The following RCAN2 variants were observed in gnomAD, a reference collection of about 807,000 sequenced individuals.
RCAN2 encodes calcipressin-2.
A neutral mutation model predicts 23.6 loss-of-function variants in RCAN2; 9 were observed. That is an observed-to-expected ratio of 0.38 (90% CI 0.23 to 0.67). The LOEUF (loss-of-function observed/expected upper bound fraction) is 0.67. Among genes scored for constraint, RCAN2 ranks in the 30% least tolerant of loss-of-function variants. RCAN2 has a pLI of 0.51. For synonymous variants in RCAN2, 109 were observed against 115.7 expected, an observed-to-expected ratio of 0.94 and a Z score of 0.37; for missense variants, 273 against 302.3, an observed-to-expected ratio of 0.90 and a Z score of 0.72.
intron 2 of RCAN2, among the ~76,000 whole-genome samples, chr6:46,454,090 T>C (rs1424004167): frequency 2.0e-5 from 3 of 152,108 alleles, no homozygotes; most frequent in Non-Finnish European, 2.9e-5. Context: ...TTGCTTCTTT[T>C]CCCCCTGCCT....
chr6:46,301,644 A>G (rs77539790), intron 2 of RCAN2, among the ~76,000 whole-genome samples: 3,830 of 152,228 alleles, frequency 0.025, 86 homozygotes, highest in Non-Finnish European at 0.035. Flanking sequence ...ATTTTATGCA[A>G]TGGTGAACAT....
At position 46,456,849 on chromosome 6, in the gene RCAN2, T is replaced by C; in HGVS notation, c.128A>G (p.Glu43Gly). ...RDWAVTRCFA[E>G]EAFQAITDFN... The stretch of plus-strand genomic sequence containing the variant: ...GTCAGTGATTGCTTGAAAGGCTTCT[T>C]CTGCAAAACAACGAGTGACAGCCCA... The change falls in exon 2 of 5, where the codon GAA becomes GGA. Residue 43 changes from glutamate (E) to glycine (G), a missense_variant. Coordinates refer to ENST00000371374, the MANE Select transcript of RCAN2 (RefSeq NM_001251974.2). 6.4e-7 allele frequency: 1 copy of C among 1,550,690 alleles called. No individual in the cohort carries two copies. Among genetic ancestry groups the C allele is most frequent in the Non-Finnish European group, 8.7e-7 (1 of 1,147,000 alleles).
intron 2 of RCAN2, among the ~76,000 whole-genome samples, chr6:46,376,082 G>C (rs962061426): frequency 1.3e-5 from 2 of 152,112 alleles, no homozygotes; most frequent in African/African-American, 4.8e-5. Flanking sequence ...GTGATTCCCT[G>C]CTCCTTCCTT....
At chr6:46,442,932 G>A (rs1005210915) in intron 2 of RCAN2, among the ~76,000 whole-genome samples, 4 of 152,232 alleles carry the variant, frequency 2.6e-5, no homozygotes, top group East Asian at 3.9e-4. Context: ...CTACAGCAGC[G>A]TTCAAATCTG....
intron 2 of RCAN2, among the ~76,000 whole-genome samples, chr6:46,249,317 C>CTTTTTT (rs11331303): frequency 2.1e-5 from 2 of 97,114 alleles, no homozygotes; most frequent in African/African-American, 4.1e-5. Context: ...TTCTTTCTTT[C>CTTTTTT]TTTTTTTTTT....
intron 4 of RCAN2, among the ~76,000 whole-genome samples, chr6:46,234,941 T>C (rs1766039633): frequency 1.3e-5 from 2 of 152,136 alleles, no homozygotes; most frequent in South Asian, 4.2e-4. Flanking sequence ...TGAGTCCCTG[T>C]GCTGACTAGG....
intron 2 of RCAN2, among the ~76,000 whole-genome samples, chr6:46,360,207 T>C (rs1483455452): frequency 6.6e-6 from 1 of 152,140 alleles, no homozygotes; most frequent in Non-Finnish European, 1.5e-5. Context: ...CCACGTTCTA[T>C]ACCAAGGTCT....
In RCAN2 at chr6:46,420,856, A is replaced by G. The variant is rs543742153; in HGVS notation, c.225+35896T>C. Among the ~76,000 whole-genome samples the G allele has an allele frequency of 7.8e-4, 119 of 152,216 alleles. 1 individual carries two copies. In the Middle Eastern group the frequency reaches 0.014, roughly 17 times the overall value. On this transcript the variant is annotated intron_variant, in intron 2 of 4. Coordinates refer to ENST00000371374, the MANE Select transcript of RCAN2 (RefSeq NM_001251974.2). Reference sequence around the variant, plus strand: ...GCCACTGCACCCAGCCTGATCAACTATTTTTAACTGGGCACATAAAGATGC... The same window carrying G: ...GCCACTGCACCCAGCCTGATCAACTGTTTTTAACTGGGCACATAAAGATGC...
chr6:46,421,404 G>A (rs575040208), intron 2 of RCAN2, among the ~76,000 whole-genome samples: 3 of 152,228 alleles, frequency 2.0e-5, no homozygotes, highest in Non-Finnish European at 1.5e-5. Context: ...AGACAAAAAC[G>A]CCAAAAGGAT....
intron 2 of RCAN2, among the ~76,000 whole-genome samples, chr6:46,292,426 G>GTTTT (rs1302472017): frequency 9.1e-5 from 2 of 22,030 alleles, no homozygotes; most frequent in African/African-American, 3.1e-4. Context: ...TTGATTTGTT[G>GTTTT]TTTTTTTTTT....
At chr6:46,486,149 T>C (rs902305144) in intron 1 of RCAN2, among the ~76,000 whole-genome samples, 56 of 152,288 alleles carry the variant, frequency 3.7e-4, no homozygotes, top group African/African-American at 1.3e-3. Context: ...AGTGGGGAGA[T>C]AAGGTATTAT....
chr6:46,481,544 T>G (rs1768860278), intron 1 of RCAN2, among the ~76,000 whole-genome samples: 2 of 152,308 alleles, frequency 1.3e-5, no homozygotes. Flanking sequence ...TATTATTATA[T>G]CTCACATTTC....
chr6:46,232,259 C>T (rs1436610522), intron 4 of RCAN2, among the ~76,000 whole-genome samples: 1 of 152,234 alleles, frequency 6.6e-6, no homozygotes, highest in Non-Finnish European at 1.5e-5. Flanking sequence ...TGTATCGATG[C>T]TAAGTAAGGT....
At chr6:46,245,449 G>T (rs1199218638) in intron 4 of RCAN2, among the ~76,000 whole-genome samples, 1 of 152,108 alleles carries the variant, frequency 6.6e-6, no homozygotes, top group East Asian at 1.9e-4. Flanking sequence ...AGCAGTGAAG[G>T]TCCTATGGCC....
intron 2 of RCAN2, among the ~76,000 whole-genome samples, chr6:46,279,948 A>G (rs1051124689): frequency 2.0e-5 from 3 of 152,224 alleles, no homozygotes; most frequent in Non-Finnish European, 4.4e-5. Flanking sequence ...GGCACATGAT[A>G]ACTCAGTAGC....
At position 46,288,938 on chromosome 6, in the gene RCAN2, G is replaced by A. The variant is rs551988783; in HGVS notation, c.226-40042C>T. Among the ~76,000 whole-genome samples the A allele has an allele frequency of 4.7e-4, 71 of 152,314 alleles. 1 individual carries two copies. In the South Asian group the frequency reaches 0.012, roughly 27 times the overall value. On this transcript the variant is annotated intron_variant, in intron 2 of 4. Coordinates refer to ENST00000371374, the MANE Select transcript of RCAN2 (RefSeq NM_001251974.2). ...ATGATGTAAATGCAACATCAAGCTC[G>A]GGCTAGTTAATTTCCTTCCTTCCCT...
At chr6:46,372,584 G>A (rs1765351450) in intron 2 of RCAN2, among the ~76,000 whole-genome samples, 1 of 152,142 alleles carries the variant, frequency 6.6e-6, no homozygotes, top group South Asian at 2.1e-4. Context: ...CCTTTTCCTA[G>A]GCAATATCTC....
intron 2 of RCAN2, among the ~76,000 whole-genome samples, chr6:46,332,709 TG>T (rs1764017867): frequency 6.6e-6 from 1 of 152,178 alleles, no homozygotes; most frequent in Non-Finnish European, 1.5e-5. Context: ...AGTCTATCAT[TG>T]TTGGACATTT....
At chr6:46,346,871 T>A (rs1243530316) in intron 2 of RCAN2, among the ~76,000 whole-genome samples, 5 of 151,650 alleles carry the variant, frequency 3.3e-5, no homozygotes, top group Non-Finnish European at 2.9e-5. Flanking sequence ...TTATTTATTT[T>A]AATTAATTTA....
Sources: gnomAD v4.1 joint callset for allele counts (sites outside exome capture counted in the v4.1 genomes callset) on GRCh38, gnomAD v4.1.1 for gene constraint, MANE v1.5 for transcripts, NCBI Gene and HGNC (gene_info 2026-07-23, HGNC 2026-07-21) for gene names.